Variants in COL25A1 observed in about 807,000 individuals in gnomAD.
COL25A1 encodes collagen alpha-1(XXV) chain.
A neutral mutation model predicts 128.4 loss-of-function variants in COL25A1; 103 were observed. The observed-to-expected ratio is 0.80, with a 90% CI of 0.68 to 0.94. The LOEUF (loss-of-function observed/expected upper bound fraction) is 0.94. Among genes scored for constraint, COL25A1 ranks in the 40% least tolerant of loss-of-function variants. The pLI, the probability that COL25A1 is intolerant of heterozygous loss-of-function variation, is 0.00. For missense variants in COL25A1, 745 were observed against 840.0 expected (o/e 0.89, Z 1.40); for synonymous variants, 279 against 277.2 (o/e 1.01, Z -0.06).
At chr4:109,251,293 C>T (rs1780629527) in intron 3 of COL25A1, among the ~76,000 whole-genome samples, 1 of 152,172 alleles carries the variant, frequency 6.6e-6, no homozygotes, top group South Asian at 2.1e-4. Context: ...TTCTGTATTC[C>T]CTTTGCCTCC....
At chr4:108,869,036 G>T in intron 20 of COL25A1, 52 bp downstream of exon 20, 1 of 1,099,946 alleles carries the variant, frequency 9.1e-7, no homozygotes, top group Non-Finnish European at 1.3e-6. Flanking sequence ...AAGGAAGGAA[G>T]AAAAGAAAGA....
intron 6 of COL25A1, among the ~76,000 whole-genome samples, chr4:109,001,130 A>G (rs1755323671): frequency 6.6e-6 from 1 of 152,168 alleles, no homozygotes; most frequent in Non-Finnish European, 1.5e-5. Flanking sequence ...TCTAAATGAA[A>G]ACCATTAAGA....
At chr4:108,940,807 AG>A (rs1748000267) in intron 9 of COL25A1, among the ~76,000 whole-genome samples, 161 bp from the exon 10 acceptor site, 1 of 152,252 alleles carries the variant, frequency 6.6e-6, no homozygotes, top group Non-Finnish European at 1.5e-5. Flanking sequence ...GCTTCCCAGC[AG>A]GGAGCAAATA....
intron 3 of COL25A1, among the ~76,000 whole-genome samples, chr4:109,145,075 T>G (rs911246935): frequency 3.3e-5 from 5 of 150,214 alleles, no homozygotes; most frequent in Non-Finnish European, 5.9e-5. Context: ...AGCTTTTTTT[T>G]TTTTTTTTTT....
At chr4:109,081,291 T>C (rs578105287) in intron 3 of COL25A1, among the ~76,000 whole-genome samples, 1 of 152,272 alleles carries the variant, frequency 6.6e-6, no homozygotes, top group South Asian at 2.1e-4. Context: ...AGATCATCTA[T>C]TCAGAAAAAA....
intron 3 of COL25A1, among the ~76,000 whole-genome samples, chr4:109,200,915 C>T (rs1199578374): frequency 6.6e-6 from 1 of 152,064 alleles, no homozygotes. Flanking sequence ...TACATGATTC[C>T]CAAAACCCTC....
Position 109,037,040 on chromosome 4 carries a change from T to A in COL25A1, c.420+11128A>T, listed in dbSNP as rs143563336. ...CAGGACTGAAGTATGCTTTCATGTGTCCTATAAAATCCTTGTGCTCTGGGC... is the reference window on the plus strand; with the variant it reads ...CAGGACTGAAGTATGCTTTCATGTGACCTATAAAATCCTTGTGCTCTGGGC... On this transcript the variant is annotated intron_variant, in intron 5 of 37. Transcript: ENST00000399132. Among the ~76,000 whole-genome samples the A allele has an allele frequency of 4.6e-5, 7 of 152,306 alleles. No individual in the cohort carries two copies. The East Asian group carries it at 1.4e-3, about 29-fold the overall frequency.
rs142968228 is a variant in COL25A1 at position 109,281,698 on chromosome 4, T to C, written c.367+18885A>G. Among the ~76,000 whole-genome samples the C allele has an allele frequency of 3.9e-3, 597 of 152,260 alleles. 5 individuals carry two copies. Among genetic ancestry groups the C allele is most frequent in the African/African-American group, 0.013 (555 of 41,574 alleles). On this transcript the variant is annotated intron_variant, in intron 3 of 37. Coordinates refer to ENST00000399132, the MANE Select transcript of COL25A1 (RefSeq NM_198721.4). ...CATATTTTATATGCACAAAGCTCAA[T>C]AGCATTCAATAACAGAAAAAGCCAC...
At chr4:109,097,574 T>G (rs754721712) in intron 3 of COL25A1, among the ~76,000 whole-genome samples, 7 of 150,894 alleles carry the variant, frequency 4.6e-5, no homozygotes, top group Non-Finnish European at 8.8e-5. Flanking sequence ...GATGGCACCA[T>G]AGCACTCCAG....
chr4:108,980,479 C>G (rs936441378), intron 6 of COL25A1, among the ~76,000 whole-genome samples: 1 of 152,214 alleles, frequency 6.6e-6, no homozygotes, highest in Non-Finnish European at 1.5e-5. Flanking sequence ...CACAGCAGTT[C>G]CACAGCCAAG....
intron 6 of COL25A1, among the ~76,000 whole-genome samples, chr4:108,987,629 G>A (rs1027666007): frequency 1.1e-4 from 17 of 152,020 alleles, no homozygotes; most frequent in Admixed American, 3.9e-4. Context: ...CCGCCTCTGC[G>A]TCCCAAAGTG....
chr4:109,050,441 T>C (rs1157509355), intron 3 of COL25A1, among the ~76,000 whole-genome samples: 1 of 152,170 alleles, frequency 6.6e-6, no homozygotes, highest in Admixed American at 6.5e-5. Flanking sequence ...TTGTTCATCC[T>C]GCTTTAATAT....
At chr4:109,095,295 C>A (rs761198499) in intron 3 of COL25A1, among the ~76,000 whole-genome samples, 10 of 152,186 alleles carry the variant, frequency 6.6e-5, no homozygotes, top group Non-Finnish European at 1.2e-4. Flanking sequence ...ACACCAAAGA[C>A]ACTCAGCTTT....
At chr4:108,831,320 A>G (rs976614529) in intron 32 of COL25A1, among the ~76,000 whole-genome samples, 8 of 152,158 alleles carry the variant, frequency 5.3e-5, no homozygotes, top group Non-Finnish European at 1.2e-4. Context: ...TCCATTTCAC[A>G]CTAGTAATAC....
chr4:109,291,512 C>T (rs969174802), intron 3 of COL25A1, among the ~76,000 whole-genome samples: 5 of 151,890 alleles, frequency 3.3e-5, no homozygotes, highest in Non-Finnish European at 7.4e-5. Context: ...AGTCTTATAA[C>T]GTATATTTTC....
chr4:109,123,090 C>T lies in COL25A1; in HGVS notation c.368-72911G>A, dbSNP rs150972542. Among the ~76,000 whole-genome samples, 1,257 of 152,176 alleles carry T rather than the reference C, an allele frequency of 8.3e-3. 12 individuals carry two copies. The highest frequency in any genetic ancestry group is 0.02 in the Middle Eastern group (6 of 294). ...TCAAATATCCTGCAAATTAATCCCA[C>T]TATTTAAGGGATTTGAAATTTCTTC... On this transcript the variant is annotated intron_variant, in intron 3 of 37. Transcript: ENST00000399132.
At chr4:108,813,956 A>G in intron 37 of COL25A1, 27 bp from the exon 38 acceptor site, 1 of 1,561,240 alleles carries the variant, frequency 6.4e-7, no homozygotes, top group Non-Finnish European at 8.8e-7. Context: ...CAAAAAGACA[A>G]ATACATGGAA....
intron 6 of COL25A1, among the ~76,000 whole-genome samples, chr4:108,975,106 A>T: frequency 6.6e-6 from 1 of 152,148 alleles, no homozygotes; most frequent in East Asian, 1.9e-4. Context: ...TTACTTATTC[A>T]TTCTAGTGTT....
At chr4:108,880,981 T>A (rs1306168600) in intron 19 of COL25A1, among the ~76,000 whole-genome samples, 1 of 152,286 alleles carries the variant, frequency 6.6e-6, no homozygotes, top group Non-Finnish European at 1.5e-5. Context: ...TGGGCTCAAA[T>A]CTTATTCCAG....
Sources: gnomAD v4.1 joint callset for allele counts (sites outside exome capture counted in the v4.1 genomes callset) on GRCh38, gnomAD v4.1.1 for gene constraint, MANE v1.5 for transcripts, NCBI Gene and HGNC (gene_info 2026-07-23, HGNC 2026-07-21) for gene names.